Variants in TAFA2 observed in about 807,000 individuals in gnomAD.
TAFA2 encodes chemokine-like protein TAFA-2.
TAFA2 carries 7 observed loss-of-function variants against 18.8 expected under a neutral mutation model. That is an observed-to-expected ratio of 0.37 (90% confidence interval 0.21 to 0.70). TAFA2 has a LOEUF of 0.70. Among genes scored for constraint, TAFA2 ranks in the 30% least tolerant of loss-of-function variants. The pLI is 0.53. For missense variants in TAFA2, 122 were observed against 158.1 expected (o/e 0.77, Z 1.23); for synonymous variants, 60 against 54.2 (o/e 1.11, Z -0.47).
intron 2 of TAFA2, among the ~76,000 whole-genome samples, chr12:61,798,393 A>G (rs1171564052): frequency 1.3e-5 from 2 of 152,136 alleles, no homozygotes; most frequent in African/African-American, 4.8e-5. Flanking sequence ...TTTGTTACAT[A>G]GGTATATGCG....
rs996027369 is a variant in TAFA2, at chr12:61,934,254, G to A, written c.-1-66828C>T. On this transcript the variant is annotated intron_variant, in intron 1 of 4. Coordinates refer to ENST00000416284, the MANE Select transcript of TAFA2 (RefSeq NM_178539.5). ...TCCCTAACCAGAAACCAGGGGAGTGGCCTAAGGTAATACTTATCAGAGAGA... is the reference window on the plus strand; with the variant it reads ...TCCCTAACCAGAAACCAGGGGAGTGACCTAAGGTAATACTTATCAGAGAGA... Among the ~76,000 whole-genome samples, 3 of 152,138 alleles carry A rather than the reference G, an allele frequency of 2.0e-5. No homozygotes were observed. In the East Asian group the frequency reaches 5.8e-4, roughly 29 times the overall value.
chr12:62,195,047 T>C (rs2136964586), upstream of TAFA2, among the ~76,000 whole-genome samples: 1 of 152,324 alleles, frequency 6.6e-6, no homozygotes, highest in Non-Finnish European at 1.5e-5. Context: ...TGGCTGCTGA[T>C]GGATCAGGGT....
intron 1 of TAFA2, among the ~76,000 whole-genome samples, chr12:62,233,066 C>CTTT (rs34781688): frequency 0.096 from 3,817 of 39,644 alleles, 1,200 homozygotes; most frequent in African/African-American, 0.15. Context: ...TTCTGCATCT[C>CTTT]TTTTTTTTTT....
At chr12:61,873,342 G>A (rs1324120966) in intron 1 of TAFA2, among the ~76,000 whole-genome samples, 1 of 151,548 alleles carries the variant, frequency 6.6e-6, no homozygotes, top group Non-Finnish European at 1.5e-5. Flanking sequence ...GGGTACATGT[G>A]CACAATGTGC....
intron 1 of TAFA2, among the ~76,000 whole-genome samples, chr12:62,233,452 G>T (rs2062821818): frequency 1.3e-5 from 2 of 152,018 alleles, no homozygotes; most frequent in South Asian, 2.1e-4. Flanking sequence ...AGCCTGTTTT[G>T]CCCACCATTG....
At chr12:62,188,829 C>T (rs1477581927) in intron 1 of TAFA2, among the ~76,000 whole-genome samples, 2 of 152,042 alleles carry the variant, frequency 1.3e-5, no homozygotes, top group Non-Finnish European at 2.9e-5. Flanking sequence ...TATCTAAAAA[C>T]ATATTTTTAC....
At chr12:62,105,615 G>C (rs1424890978) in intron 1 of TAFA2, among the ~76,000 whole-genome samples, 4 of 152,120 alleles carry the variant, frequency 2.6e-5, no homozygotes, top group Non-Finnish European at 5.9e-5. Flanking sequence ...TTTCAAATCA[G>C]TGCTCATGTT....
chr12:61,792,402 T>C (rs541109260), intron 2 of TAFA2, among the ~76,000 whole-genome samples: 2 of 151,800 alleles, frequency 1.3e-5, no homozygotes, highest in South Asian at 4.2e-4. Flanking sequence ...ATTTTAAATG[T>C]GGCCACCACA....
chr12:61,750,571 A>G (rs1358214432), intron 4 of TAFA2, among the ~76,000 whole-genome samples: 1 of 152,144 alleles, frequency 6.6e-6, no homozygotes, highest in Non-Finnish European at 1.5e-5. Flanking sequence ...AGTAAGTACA[A>G]TATAGGCTCA....
chr12:61,767,589 A>G (rs1869844826), intron 2 of TAFA2, among the ~76,000 whole-genome samples: 1 of 152,070 alleles, frequency 6.6e-6, no homozygotes, highest in Admixed American at 6.6e-5. Context: ...TCCAACTACA[A>G]TCCAACAAAA....
chr12:61,815,659 T>A (rs1872051674), intron 2 of TAFA2, among the ~76,000 whole-genome samples: 1 of 147,746 alleles, frequency 6.8e-6, no homozygotes, highest in African/African-American at 2.6e-5. Flanking sequence ...CAAGACTCCG[T>A]CTAAAAAAAA....
chr12:61,843,428 T>C (rs1873272365), intron 2 of TAFA2, among the ~76,000 whole-genome samples: 1 of 152,186 alleles, frequency 6.6e-6, no homozygotes, highest in African/African-American at 2.4e-5. Flanking sequence ...TTCGGAACAC[T>C]ATTTACCATT....
rs535132990 is a variant in TAFA2, at chr12:61,739,931, T to C, written c.384+13691A>G. 1.3e-3 allele frequency among the ~76,000 whole-genome samples: 191 copies of C among 152,186 alleles called. 1 individual carries two copies. The highest frequency in any genetic ancestry group is 4.0e-3 in the African/African-American group (167 of 41,538). On this transcript the variant is annotated intron_variant, in intron 4 of 4. Coordinates refer to ENST00000416284, the MANE Select transcript of TAFA2 (RefSeq NM_178539.5). ...TCAAGATAGAATAAATGCATCTCAG[T>C]ATATGAATCTTAGAAACAGGCTGAC... is the stretch of plus-strand genomic sequence containing the variant.
intron 1 of TAFA2, among the ~76,000 whole-genome samples, chr12:62,034,522 T>C (rs868837399): frequency 1.3e-5 from 2 of 152,244 alleles, no homozygotes; most frequent in African/African-American, 2.4e-5. Flanking sequence ...GTCTGTTTTC[T>C]ATTTGAAAAA....
chr12:62,144,004 T>A (rs866185413), intron 1 of TAFA2, among the ~76,000 whole-genome samples: 3 of 135,832 alleles, frequency 2.2e-5, no homozygotes, highest in African/African-American at 8.4e-5. Context: ...GCTGAGATCA[T>A]GCCACTGCAC....
rs35638033 is a variant in TAFA2, at chr12:62,215,563, CAAA to C, written c.-130+43197_-130+43199del. Reference sequence around the variant, plus strand: ...TGGAAAAAAGAAAGAACTTGTCTTTCAAAAAAAAAAAAAAAAGGGGCGGAAGAA... The same window carrying C: ...TGGAAAAAAGAAAGAACTTGTCTTTCAAAAAAAAAAAAAGGGGCGGAAGAA... On this transcript the variant is annotated intron_variant, in intron 1 of 5. Coordinates refer to the TAFA2 transcript ENST00000551619. Among the ~76,000 whole-genome samples, 16 of 79,004 alleles carry C rather than the reference CAAA, an allele frequency of 2.0e-4. No homozygotes were observed. In the South Asian group the frequency reaches 2.9e-3, roughly 14 times the overall value. The allele number at this position is 79,004 out of a possible 152,430, so 51.8% of individuals were successfully genotyped here.
chr12:61,791,565 T>C (rs957732841), intron 2 of TAFA2, among the ~76,000 whole-genome samples: 2 of 151,710 alleles, frequency 1.3e-5, no homozygotes, highest in African/African-American at 4.8e-5. Flanking sequence ...AAGACCTGAA[T>C]AGACATTTCT....
intron 1 of TAFA2, among the ~76,000 whole-genome samples, chr12:61,901,792 G>A (rs917686214): frequency 3.9e-5 from 6 of 152,106 alleles, no homozygotes; most frequent in African/African-American, 1.4e-4. Flanking sequence ...ATTTTTGATT[G>A]TATACCATGC....
chr12:61,835,784 G>A (rs559760748), intron 2 of TAFA2, among the ~76,000 whole-genome samples: 1 of 151,798 alleles, frequency 6.6e-6, no homozygotes, highest in Non-Finnish European at 1.5e-5. Flanking sequence ...GAATAAAATG[G>A]TGCAAACATT....
Sources: allele counts gnomAD v4.1 joint callset (sites outside exome capture counted in the v4.1 genomes callset), GRCh38; gene constraint gnomAD v4.1.1; transcripts MANE v1.5; gene names NCBI Gene and HGNC (gene_info 2026-07-23, HGNC 2026-07-21).